ZNF334: variants seen among roughly 807,000 people sequenced by gnomAD.
ZNF334 encodes the protein zinc finger protein 334.
A neutral mutation model predicts 12.4 loss-of-function variants in ZNF334; 14 were observed. The ratio of observed to expected loss-of-function variants is 1.13; its 90% CI spans 0.74 to 1.76. The LOEUF (loss-of-function observed/expected upper bound fraction) is 1.76, where lower values mean the gene tolerates loss of function less well. ZNF334 is among the 40% of genes most tolerant of loss of function. The pLI is 0.00. For synonymous variants in ZNF334, 273 were observed against 269.6 expected, an observed-to-expected ratio of 1.01 and a Z score of -0.12; for missense variants, 797 against 804.5, an observed-to-expected ratio of 0.99 and a Z score of 0.11.
At chr20:46,485,515 G>T in the ZNF334 span, 1 of 151,690 alleles carries the variant, frequency 6.6e-6, no homozygotes, top group South Asian at 2.1e-4. Flanking sequence ...GACAAATCAG[G>T]AAAACAAATT....
At chr20:46,492,267 C>G in the ZNF334 span, 1 of 152,766 alleles carries the variant, frequency 6.5e-6, no homozygotes, top group African/African-American at 2.4e-5. Flanking sequence ...TCAGATCTAA[C>G]ACAACATAAA....
the ZNF334 span, chr20:46,491,062 C>T: frequency 6.6e-6 from 1 of 152,642 alleles, no homozygotes; most frequent in Non-Finnish European, 1.5e-5. Flanking sequence ...TTAGGCATCG[C>T]TCATCATTTA....
chr20:46,475,137 C>T, the ZNF334 span, among the ~76,000 whole-genome samples: 1 of 152,160 alleles, frequency 6.6e-6, no homozygotes, highest in Admixed American at 6.5e-5. Flanking sequence ...CTTAATGTCA[C>T]ATAATAAAAG....
chr20:46,502,766 A>C lies in ZNF334; in HGVS notation c.573T>G (p.Asn191Lys). The part of the protein sequence containing the change: ...YRYNPMRKAS[N>K]QNENLILHQN... ...GGTGCAGAATAAGATTTTCGTTTTG[A>C]TTGCTGGCTTTCCTCATTGGATTGT... The change falls in exon 5 of 5, where the codon AAT becomes AAG. Residue 191 changes from asparagine to lysine, a missense_variant. By Grantham distance (94) the Asn-to-Lys change is moderately conservative. Transcript: ENST00000692313. 2 of 1,613,842 alleles carry C rather than the reference A, an allele frequency of 1.2e-6. No individual in the cohort carries two copies. The highest frequency in any genetic ancestry group is 1.7e-6 in the Non-Finnish European group (2 of 1,179,982).
At chr20:46,481,493 T>G in the ZNF334 span, 1 of 152,244 alleles carries the variant, frequency 6.6e-6, no homozygotes, top group Non-Finnish European at 1.5e-5. Flanking sequence ...GCACAGGTCT[T>G]CTAGGCATGA....
chr20:46,465,644 G>A, the ZNF334 span, among the ~76,000 whole-genome samples: 1 of 152,198 alleles, frequency 6.6e-6, no homozygotes, highest in African/African-American at 2.4e-5. Context: ...AGGATCACGT[G>A]AGTCTGAGTG....
At chr20:46,470,455 A>G in the ZNF334 span, among the ~76,000 whole-genome samples, 1 of 152,220 alleles carries the variant, frequency 6.6e-6, no homozygotes, top group Non-Finnish European at 1.5e-5. Flanking sequence ...TGGGAGAGGC[A>G]GGAGGGATGC....
chr20:46,503,877 T>C (rs2061337915), intron 4 of ZNF334, among the ~76,000 whole-genome samples: 1 of 152,206 alleles, frequency 6.6e-6, no homozygotes, highest in Non-Finnish European at 1.5e-5. Flanking sequence ...GATCTCTGAA[T>C]GTCTGAAATA....
the ZNF334 span, among the ~76,000 whole-genome samples, chr20:46,483,660 A>C: frequency 6.6e-6 from 1 of 152,086 alleles, no homozygotes; most frequent in Non-Finnish European, 1.5e-5. Context: ...TTAGGCAGTA[A>C]ACATTCCCAT....
the ZNF334 span, among the ~76,000 whole-genome samples, chr20:46,487,939 T>C: frequency 6.6e-6 from 1 of 152,166 alleles, no homozygotes. Flanking sequence ...CCTGGCAATG[T>C]CTGGGTGATC....
chr20:46,472,768 T>C, the ZNF334 span, among the ~76,000 whole-genome samples: 1 of 152,256 alleles, frequency 6.6e-6, no homozygotes, highest in African/African-American at 2.4e-5. Flanking sequence ...GAGCAGTGAG[T>C]GGCTCTGTCT....
chr20:46,512,109 T>C lies in ZNF334; in HGVS notation c.-7A>G. The C allele has an allele frequency of 6.2e-7, 1 of 1,613,828 alleles. No homozygotes were observed. The highest frequency in any genetic ancestry group is 8.5e-7 in the Non-Finnish European group (1 of 1,179,768). ...GAAATTTTTTCATTTTCATGTTCTC[T>C]TGAGAAAGGGCCAAGAGTGTTGAAA... On this transcript the variant is annotated 5_prime_UTR_variant, in exon 2 of 5. Coordinates refer to ENST00000692313, the MANE Select transcript of ZNF334 (RefSeq NM_001353824.2).
At chr20:46,493,738 G>A in the ZNF334 span, among the ~76,000 whole-genome samples, 2 of 152,218 alleles carry the variant, frequency 1.3e-5, no homozygotes, top group African/African-American at 2.4e-5. Flanking sequence ...TAGCCCTGAA[G>A]GGAAAGCAGG....
the ZNF334 span, among the ~76,000 whole-genome samples, chr20:46,480,747 G>C: frequency 6.6e-6 from 1 of 152,104 alleles, no homozygotes; most frequent in Admixed American, 6.5e-5. Context: ...TTCCATATAG[G>C]TAGGCTCAGA....
the ZNF334 span, among the ~76,000 whole-genome samples, chr20:46,473,509 TAGAC>T: frequency 6.6e-6 from 1 of 152,264 alleles, no homozygotes; most frequent in South Asian, 2.1e-4. Flanking sequence ...TATACCTTGA[TAGAC>T]AGTTCTTTCT....
intron 4 of ZNF334, among the ~76,000 whole-genome samples, chr20:46,503,781 G>A (rs1568864278): frequency 6.6e-6 from 1 of 152,148 alleles, no homozygotes. Context: ...CCGGATCCTG[G>A]TGAAGCGTAG....
intron 2 of ZNF334, chr20:46,509,821 T>C (rs1367576114): frequency 9.8e-6 from 6 of 613,378 alleles, no homozygotes; most frequent in Non-Finnish European, 1.8e-5. Flanking sequence ...TGGCAGAATA[T>C]GGAAGGTTTG....
At chr20:46,504,188 C>A (rs761981552) in intron 4 of ZNF334, 26 bp downstream of exon 4, 2 of 1,518,246 alleles carry the variant, frequency 1.3e-6, no homozygotes, top group Admixed American at 3.6e-5. Flanking sequence ...CCATTGGTTC[C>A]ACCTGCTCAG....
chr20:46,509,782 G>T (rs1263476138), intron 2 of ZNF334: 3 of 662,606 alleles, frequency 4.5e-6, no homozygotes, highest in Non-Finnish European at 8.3e-6. Context: ...GTGTGGGTGG[G>T]TGGCATTAAC....
Sources: allele counts gnomAD v4.1 joint callset (sites outside exome capture counted in the v4.1 genomes callset), GRCh38; gene constraint gnomAD v4.1.1; transcripts MANE v1.5; gene names NCBI Gene and HGNC (gene_info 2026-07-23, HGNC 2026-07-21).